The following RNF216 variants were observed in gnomAD, a reference collection of about 807,000 sequenced individuals.
RNF216 encodes E3 ubiquitin-protein ligase RNF216.
Under a neutral mutation model 110.8 loss-of-function variants are expected in RNF216, and 72 were observed. That is an observed-to-expected ratio of 0.65 (90% CI 0.54 to 0.79). RNF216 has a LOEUF of 0.79. Ranked by LOEUF, RNF216 falls within the 30% of genes least tolerant of loss-of-function variation. RNF216 has a pLI of 0.00. For missense variants in RNF216, 1,342 were observed against 1,141.2 expected (o/e 1.18, Z -2.54); for synonymous variants, 495 against 407.5 (o/e 1.21, Z -2.59).
At chr7:5,675,084 TA>T (rs1471022529) in intron 13 of RNF216, among the ~76,000 whole-genome samples, 15 of 152,210 alleles carry the variant, frequency 9.9e-5, no homozygotes, top group African/African-American at 3.1e-4. Context: ...CATATGTAAC[TA>T]AAGCAGAGCT....
chr7:5,693,439 G>A (rs964502585), intron 13 of RNF216, among the ~76,000 whole-genome samples: 1 of 152,184 alleles, frequency 6.6e-6, no homozygotes, highest in African/African-American at 2.4e-5. Context: ...TACTGAAATT[G>A]TTCCCTGCTG....
At chr7:5,768,787 G>A (rs377567302) in intron 1 of RNF216, among the ~76,000 whole-genome samples, 6 of 150,580 alleles carry the variant, frequency 4.0e-5, no homozygotes, top group African/African-American at 7.3e-5. Context: ...TCACCCTCCC[G>A]AGTAACTAAG....
At chr7:5,672,388 A>C (rs1352912466) in intron 13 of RNF216, among the ~76,000 whole-genome samples, 1 of 152,190 alleles carries the variant, frequency 6.6e-6, no homozygotes, top group African/African-American at 2.4e-5. Flanking sequence ...AAAAACGCCA[A>C]GTTGGAGAGT....
At chr7:5,774,808 G>C (rs1796687206) in intron 1 of RNF216, among the ~76,000 whole-genome samples, 1 of 151,758 alleles carries the variant, frequency 6.6e-6, no homozygotes, top group Non-Finnish European at 1.5e-5. Context: ...GCCCAGGCTG[G>C]AGTGCAATGG....
At chr7:5,711,717 T>C in intron 13 of RNF216, 44 bp downstream of exon 13, 1 of 1,526,798 alleles carries the variant, frequency 6.5e-7, no homozygotes. Flanking sequence ...CAGCCCATAA[T>C]ACCATAATTC....
rs1396552296 is a variant in RNF216 at position 5,696,241 on chromosome 7, C to T, written c.2061+15520G>A. Among the ~76,000 whole-genome samples, 2 of 152,194 alleles carry T rather than the reference C, an allele frequency of 1.3e-5. No individual in the cohort carries two copies. Among genetic ancestry groups the T allele is most frequent in the African/African-American group, 4.8e-5 (2 of 41,440 alleles). On this transcript the variant is annotated intron_variant, in intron 13 of 16. Transcript: ENST00000389902. The surrounding 1 kb of genome is among the most constrained non-coding windows in gnomAD (Gnocchi z 5.4). ...GGAGGCCCATGGAAAAAAAGCAGGG[C>T]TCTCAGCAGCTGGGAAAACATGTTG...
chr7:5,643,801 A>T (rs1241083602), intron 14 of RNF216, among the ~76,000 whole-genome samples: 1 of 152,190 alleles, frequency 6.6e-6, no homozygotes, highest in Non-Finnish European at 1.5e-5. Flanking sequence ...TATAACCCCA[A>T]AAGGAAACCC....
chr7:5,628,320 A>T (rs1399997865), intron 15 of RNF216, among the ~76,000 whole-genome samples: 1 of 152,096 alleles, frequency 6.6e-6, no homozygotes, highest in Admixed American at 6.6e-5. Flanking sequence ...AGCTACAATG[A>T]CCTACAATTT....
chr7:5,772,463 G>A (rs1039796674), intron 1 of RNF216, among the ~76,000 whole-genome samples: 22 of 152,138 alleles, frequency 1.4e-4, no homozygotes, highest in African/African-American at 5.3e-4. Flanking sequence ...CTGGAGTGCA[G>A]TGGTGCGATC....
At chr7:5,721,988 T>G (rs1156581422) in intron 8 of RNF216, among the ~76,000 whole-genome samples, 1 of 152,228 alleles carries the variant, frequency 6.6e-6, no homozygotes, top group Non-Finnish European at 1.5e-5. Context: ...AGTGGCACAT[T>G]CACAGATCAC....
chr7:5,728,904 CTG>C (rs1337689841), intron 7 of RNF216, among the ~76,000 whole-genome samples: 1 of 152,194 alleles, frequency 6.6e-6, no homozygotes, highest in Admixed American at 6.5e-5. Context: ...TGGAAGACGC[CTG>C]TGTTACCCAC....
intron 14 of RNF216, chr7:5,649,620 T>TA (rs796674983): frequency 0.013 from 1,878 of 144,726 alleles, 38 homozygotes; most frequent in African/African-American, 0.043. Context: ...ACCCTCTCTC[T>TA]AAAAAAAAAA....
At chr7:5,755,956 T>C (rs1795615534) in intron 2 of RNF216, among the ~76,000 whole-genome samples, 1 of 118,514 alleles carries the variant, frequency 8.4e-6, no homozygotes, top group African/African-American at 2.8e-5. Flanking sequence ...ATCATGCTCA[T>C]TCATTTATAT....
chr7:5,638,649 T>TTTGGG (rs1554345704), intron 15 of RNF216, among the ~76,000 whole-genome samples: 1 of 149,726 alleles, frequency 6.7e-6, no homozygotes, highest in African/African-American at 2.5e-5. Context: ...TTTTTTTTTT[T>TTTGGG]GGGGGGGAGA....
chr7:5,770,528 C>T (rs944796207), intron 1 of RNF216, among the ~76,000 whole-genome samples: 2 of 151,374 alleles, frequency 1.3e-5, no homozygotes, highest in African/African-American at 4.9e-5. Flanking sequence ...ACCATATTCA[C>T]GGGTGGGAAA....
At chr7:5,644,355 G>A (rs1020778309) in intron 14 of RNF216, among the ~76,000 whole-genome samples, 1 of 151,912 alleles carries the variant, frequency 6.6e-6, no homozygotes. Context: ...ATTTTCCATC[G>A]CTTTCATTAT....
intron 13 of RNF216, among the ~76,000 whole-genome samples, chr7:5,667,507 G>A (rs1026439099): frequency 6.6e-6 from 1 of 152,206 alleles, no homozygotes; most frequent in South Asian, 2.1e-4. Context: ...GGAACCAGGG[G>A]AACCCCCCAG....
At chr7:5,761,556 G>A (rs531071609) in intron 1 of RNF216, among the ~76,000 whole-genome samples, 2 of 152,340 alleles carry the variant, frequency 1.3e-5, no homozygotes, top group South Asian at 4.1e-4. Context: ...GGGAGGCCGA[G>A]GCGGGCAGGT....
intron 5 of RNF216, among the ~76,000 whole-genome samples, chr7:5,736,751 G>T (rs1000512224): frequency 6.6e-6 from 1 of 151,592 alleles, no homozygotes; most frequent in African/African-American, 2.4e-5. Context: ...GGGATGTGAG[G>T]AGCGCCTCTG....
Sources: gnomAD v4.1 joint callset for allele counts (sites outside exome capture counted in the v4.1 genomes callset) on GRCh38, gnomAD v4.1.1 for gene constraint, Gnocchi (gnomAD v3.1) non-coding constraint, MANE v1.5 for transcripts, NCBI Gene and HGNC (gene_info 2026-07-23, HGNC 2026-07-21) for gene names.